PUDP: variants seen among roughly 807,000 people sequenced by gnomAD.
PUDP encodes the protein pseudouridine-5'-phosphatase.
Under a neutral mutation model 9.4 loss-of-function variants are expected in PUDP, and 8 were observed. That is an observed-to-expected ratio of 0.85 (90% CI 0.50 to 1.53). The LOEUF (loss-of-function observed/expected upper bound fraction) is 1.53. Ranked by LOEUF, PUDP falls within the 40% of genes most tolerant of loss-of-function variation. The pLI, the probability that PUDP is intolerant of heterozygous loss-of-function variation, is 0.00. For synonymous variants in PUDP, 99 were observed against 80.7 expected (o/e 1.23, Z -1.22); for missense variants, 188 against 189.7 (o/e 0.99, Z 0.05).
intron 3 of PUDP, among the ~76,000 whole-genome samples, chrX:6,786,535 G>A (rs1224881267): frequency 1.8e-5 from 2 of 112,224 alleles, no homozygotes; most frequent in East Asian, 2.8e-4. Flanking sequence ...CCACTCTTTC[G>A]GGGCATTGTG....
chrX:6,708,431 G>C (rs1260427730), intron 1 of PUDP, among the ~76,000 whole-genome samples: 2 of 111,831 alleles, frequency 1.8e-5, no homozygotes, highest in Admixed American at 1.9e-4. Context: ...CTGTCAGGTA[G>C]CTCCAAAGAA....
intron 3 of PUDP, among the ~76,000 whole-genome samples, chrX:6,827,314 G>A (rs1187507453): frequency 9.0e-6 from 1 of 111,612 alleles, no homozygotes. Context: ...AGGAATGAAG[G>A]GATTTATTGA....
intron 3 of PUDP, among the ~76,000 whole-genome samples, chrX:6,729,486 G>A (rs1924783394): frequency 8.9e-6 from 1 of 112,321 alleles, no homozygotes; most frequent in Non-Finnish European, 1.9e-5. Flanking sequence ...TCACGGACAC[G>A]TGTCCTCAAC....
At chrX:6,778,755 T>C (rs1158538869) in intron 3 of PUDP, among the ~76,000 whole-genome samples, 1 of 112,070 alleles carries the variant, frequency 8.9e-6, no homozygotes, top group African/African-American at 3.2e-5. Context: ...AGAAAGACCA[T>C]TTCCCACAGA....
At chrX:6,755,381 T>C (rs1020869245) in intron 3 of PUDP, among the ~76,000 whole-genome samples, 1 of 111,708 alleles carries the variant, frequency 9.0e-6, no homozygotes, top group Non-Finnish European at 1.9e-5. Context: ...TAACATAAAT[T>C]AATTCAACCA....
At chrX:6,775,944 T>C (rs1253290826) in intron 3 of PUDP, among the ~76,000 whole-genome samples, 1 of 111,688 alleles carries the variant, frequency 9.0e-6, no homozygotes, top group Non-Finnish European at 1.9e-5. Flanking sequence ...GCCTATGGCA[T>C]TTTGTTATGG....
chrX:7,050,609 G>C lies in PUDP; in HGVS notation c.511-137C>G, dbSNP rs775472783. On this transcript the variant is annotated intron_variant, in intron 3 of 3. Transcript: ENST00000381077. Reference sequence around the variant, plus strand: ...ATTACAGTGGGGGCTCCCCAGAGTAGAGATTGTGGTGAGGACAGCATGCTG... The same window carrying C: ...ATTACAGTGGGGGCTCCCCAGAGTACAGATTGTGGTGAGGACAGCATGCTG... 25 of 580,913 alleles carry C rather than the reference G, an allele frequency of 4.3e-5. 1 individual carries two copies. The highest frequency in any genetic ancestry group is 2.2e-4 in the East Asian group (6 of 27,466). The allele number at this position is 580,913 out of a possible 1,213,427, so 47.9% of individuals were successfully genotyped here.
intron 3 of PUDP, among the ~76,000 whole-genome samples, chrX:6,852,895 C>T (rs1358982782): frequency 9.0e-6 from 1 of 111,051 alleles, no homozygotes; most frequent in African/African-American, 3.3e-5. Flanking sequence ...GAAGAAAGCT[C>T]TCTGCTGCAG....
At chrX:7,092,513 T>G (rs752126424) in intron 2 of PUDP, among the ~76,000 whole-genome samples, 3 of 111,429 alleles carry the variant, frequency 2.7e-5, no homozygotes, top group Non-Finnish European at 5.7e-5. Context: ...TTGTGAGGAG[T>G]TTCTGTTGAT....
At position 6,969,418 on chromosome X, in the gene PUDP, C is replaced by T. The variant is rs752804191; in HGVS notation, c.*247+7715G>A. On this transcript the variant is annotated intron_variant and NMD_transcript_variant, in intron 3 of 3. Transcript: ENST00000655425. The stretch of plus-strand genomic sequence containing the variant: ...GTGAAGAAATGTTCCCACATCAGGC[C>T]CTGCTGTAGGAATAAAGGTAGATCT... Among the ~76,000 whole-genome samples the T allele has an allele frequency of 4.5e-5, 5 of 111,929 alleles. No individual in the cohort carries two copies. In the South Asian group the frequency reaches 1.5e-3, roughly 34 times the overall value.
chrX:7,056,425 C>T (rs1208060070), intron 3 of PUDP, among the ~76,000 whole-genome samples: 1 of 112,129 alleles, frequency 8.9e-6, no homozygotes, highest in East Asian at 2.8e-4. Context: ...CCCTCCTTCA[C>T]CCCACATATC....
chrX:7,011,047 T>C (rs1389941549), intron 1 of PUDP, among the ~76,000 whole-genome samples: 1 of 112,147 alleles, frequency 8.9e-6, no homozygotes, highest in Admixed American at 9.4e-5. Flanking sequence ...ACATCTCGGG[T>C]TGGTAATGAT....
chrX:6,889,364 C>T (rs1927479218), intron 3 of PUDP, among the ~76,000 whole-genome samples: 1 of 111,526 alleles, frequency 9.0e-6, no homozygotes, highest in South Asian at 3.8e-4. Flanking sequence ...GATGAGTTCT[C>T]GCCATGTTGT....
At chrX:7,079,981 C>T (rs1931032834) in intron 2 of PUDP, among the ~76,000 whole-genome samples, 1 of 111,667 alleles carries the variant, frequency 9.0e-6, no homozygotes, top group South Asian at 3.7e-4. Flanking sequence ...AAATAATAAA[C>T]ATGAGAGAGA....
rs774936824 is a variant in PUDP, at chrX:7,078,239, T to C, written c.281-790A>G. On this transcript the variant is annotated intron_variant, in intron 2 of 3. Coordinates refer to ENST00000381077, the MANE Select transcript of PUDP (RefSeq NM_012080.5). ...AGGAGTCCTTCCTACCTTTAACTTA[T>C]GCGACTAGCACAACAGGAACATCTA... Among the ~76,000 whole-genome samples, 9 of 112,650 alleles carry C rather than the reference T, an allele frequency of 8.0e-5. No individual in the cohort carries two copies. In the South Asian group the frequency reaches 3.3e-3, roughly 42 times the overall value.
chrX:7,127,297 C>A (rs1932510286), intron 1 of PUDP, among the ~76,000 whole-genome samples: 1 of 112,275 alleles, frequency 8.9e-6, no homozygotes, highest in African/African-American at 3.2e-5. Context: ...CAGCTAGGGG[C>A]TTGGCAGACA....
At chrX:6,901,162 C>G (rs1927679782) in intron 3 of PUDP, among the ~76,000 whole-genome samples, 1 of 111,848 alleles carries the variant, frequency 8.9e-6, no homozygotes, top group Non-Finnish European at 1.9e-5. Flanking sequence ...AGCTGGACAA[C>G]TTTTTGCTGG....
At chrX:6,809,454 G>A (rs1002360210) in intron 3 of PUDP, among the ~76,000 whole-genome samples, 19 of 107,869 alleles carry the variant, frequency 1.8e-4, no homozygotes, top group Admixed American at 3.0e-4. Flanking sequence ...CATCACACCC[G>A]ACTAATTTAT....
intron 3 of PUDP, among the ~76,000 whole-genome samples, chrX:7,073,114 T>A (rs754869675): frequency 8.9e-6 from 1 of 111,814 alleles, no homozygotes. Flanking sequence ...GCACCCTGCC[T>A]GGCACACAGT....
Sources: allele counts gnomAD v4.1 joint callset (sites outside exome capture counted in the v4.1 genomes callset), GRCh38; gene constraint gnomAD v4.1.1; transcripts MANE v1.5; gene names NCBI Gene and HGNC (gene_info 2026-07-23, HGNC 2026-07-21).